Variants in CTNND2 observed in about 807,000 individuals in gnomAD.
CTNND2 encodes catenin delta 2, also known as catenin delta-2.
In CTNND2, 22 loss-of-function variants were observed where a neutral mutation model predicts 144.4. The observed-to-expected ratio is 0.15, with a 90% CI of 0.11 to 0.22. The LOEUF (loss-of-function observed/expected upper bound fraction) is 0.22. CTNND2 is among the 10% of genes least tolerant of loss of function. The pLI is 1.00. For missense variants in CTNND2, 1,353 were observed against 1,618.8 expected (o/e 0.84, Z 2.82); for synonymous variants, 751 against 695.6 (o/e 1.08, Z -1.25).
chr5:11,693,323 T>C (rs912957070), intron 2 of CTNND2, among the ~76,000 whole-genome samples: 7 of 152,212 alleles, frequency 4.6e-5, no homozygotes, highest in Non-Finnish European at 1.0e-4. Context: ...CTTATGTTAG[T>C]TTGTTATAGC....
chr5:11,776,898 G>C (rs2058606903), intron 1 of CTNND2, among the ~76,000 whole-genome samples: 1 of 152,122 alleles, frequency 6.6e-6, no homozygotes, highest in African/African-American at 2.4e-5. Flanking sequence ...AAAGTAGGAA[G>C]CATCCCATAA....
chr5:11,864,222 A>T (rs1398718115), intron 1 of CTNND2, among the ~76,000 whole-genome samples: 3 of 152,178 alleles, frequency 2.0e-5, no homozygotes, highest in African/African-American at 7.2e-5. Context: ...CGCTGCCTGA[A>T]AAAAAGGGTC....
chr5:11,498,236 C>A (rs1770170602), intron 3 of CTNND2, among the ~76,000 whole-genome samples: 1 of 152,134 alleles, frequency 6.6e-6, no homozygotes, highest in Non-Finnish European at 1.5e-5. Flanking sequence ...CACTCTCCCC[C>A]ACCCCCTCAA....
At chr5:11,708,022 T>C (rs976141551) in intron 2 of CTNND2, among the ~76,000 whole-genome samples, 4 of 151,892 alleles carry the variant, frequency 2.6e-5, no homozygotes, top group African/African-American at 4.8e-5. Context: ...AAGAAATATA[T>C]TGATGATTAA....
chr5:11,077,169 T>C (rs927187302), intron 16 of CTNND2, among the ~76,000 whole-genome samples: 1 of 152,200 alleles, frequency 6.6e-6, no homozygotes, highest in African/African-American at 2.4e-5. Context: ...AGATTGGGCA[T>C]TGTTCTAGGT....
intron 3 of CTNND2, among the ~76,000 whole-genome samples, chr5:11,541,841 C>A (rs565643816): frequency 5.1e-5 from 7 of 137,442 alleles, no homozygotes; most frequent in East Asian, 4.5e-4. Context: ...ATTATCGACC[C>A]CCCCCCCCCG....
chr5:11,506,714 C>A (rs760378769), intron 3 of CTNND2, among the ~76,000 whole-genome samples: 1 of 152,208 alleles, frequency 6.6e-6, no homozygotes, highest in Non-Finnish European at 1.5e-5. Context: ...ATTGTAAACA[C>A]TATGAGGCAT....
At chr5:11,099,374 T>G (rs1437358923) in intron 14 of CTNND2, among the ~76,000 whole-genome samples, 1 of 152,176 alleles carries the variant, frequency 6.6e-6, no homozygotes, top group Middle Eastern at 3.2e-3. Flanking sequence ...TGCTTTGAAT[T>G]GAATCTAATG....
intron 12 of CTNND2, among the ~76,000 whole-genome samples, chr5:11,157,775 T>C (rs1758362940): frequency 6.6e-6 from 1 of 152,214 alleles, no homozygotes; most frequent in Non-Finnish European, 1.5e-5. Context: ...CTGAATCAAA[T>C]GGCATCATTT....
intron 3 of CTNND2, among the ~76,000 whole-genome samples, chr5:11,506,263 T>C (rs1417482095): frequency 6.6e-6 from 1 of 152,204 alleles, no homozygotes; most frequent in African/African-American, 2.4e-5. Context: ...TCTCCAGTAC[T>C]AGCAAATTGG....
chr5:11,695,712 T>C (rs1785109944), intron 2 of CTNND2, among the ~76,000 whole-genome samples: 1 of 152,224 alleles, frequency 6.6e-6, no homozygotes, highest in South Asian at 2.1e-4. Flanking sequence ...CTTATCATTT[T>C]AGTACTGAAG....
intron 12 of CTNND2, among the ~76,000 whole-genome samples, chr5:11,122,892 A>T (rs1353733598): frequency 6.6e-6 from 1 of 152,036 alleles, no homozygotes; most frequent in Non-Finnish European, 1.5e-5. Flanking sequence ...ACCAGAGATG[A>T]TGGCATGGAC....
chr5:11,884,358 G>A (rs1201649374), intron 1 of CTNND2, among the ~76,000 whole-genome samples: 1 of 152,126 alleles, frequency 6.6e-6, no homozygotes, highest in African/African-American at 2.4e-5. Context: ...TTTGTATGAG[G>A]TACAAGGAAG....
rs537120586 is a variant in CTNND2 at position 11,853,346 on chromosome 5, T to C, written c.37+50471A>G. 2.0e-5 allele frequency among the ~76,000 whole-genome samples: 3 copies of C among 152,246 alleles called. No homozygotes were observed. The East Asian group carries it at 5.8e-4, about 29-fold the overall frequency. On this transcript the variant is annotated intron_variant, in intron 1 of 21. Coordinates refer to ENST00000304623, the MANE Select transcript of CTNND2 (RefSeq NM_001332.4). Reference sequence around the variant, plus strand: ...CATTCTCTGCATGTTTTCTTCCTACTTCACTGGCCACTTCTCCCTCTTCTG... The same window carrying C: ...CATTCTCTGCATGTTTTCTTCCTACCTCACTGGCCACTTCTCCCTCTTCTG...
At chr5:11,553,658 A>G (rs1031769558) in intron 3 of CTNND2, among the ~76,000 whole-genome samples, 2 of 152,194 alleles carry the variant, frequency 1.3e-5, no homozygotes, top group Non-Finnish European at 2.9e-5. Flanking sequence ...CATTTATGGA[A>G]TTACAAACTC....
At chr5:11,681,812 T>C (rs1172846517) in intron 2 of CTNND2, among the ~76,000 whole-genome samples, 1 of 152,242 alleles carries the variant, frequency 6.6e-6, no homozygotes, top group Non-Finnish European at 1.5e-5. Flanking sequence ...GCAAGTTTAC[T>C]AATTACCTGC....
At chr5:11,775,850 T>C (rs534690340) in intron 1 of CTNND2, among the ~76,000 whole-genome samples, 46 of 152,236 alleles carry the variant, frequency 3.0e-4, no homozygotes, top group African/African-American at 1.1e-3. Context: ...TGAGATCATA[T>C]TGGATTAGAG....
intron 3 of CTNND2, among the ~76,000 whole-genome samples, chr5:11,467,861 T>C (rs1766821273): frequency 6.6e-6 from 1 of 152,222 alleles, no homozygotes; most frequent in African/African-American, 2.4e-5. Flanking sequence ...AACACATACA[T>C]AGTACTTTAG....
At chr5:11,530,378 G>A (rs746596649) in intron 3 of CTNND2, among the ~76,000 whole-genome samples, 4 of 152,114 alleles carry the variant, frequency 2.6e-5, no homozygotes, top group African/African-American at 9.7e-5. Flanking sequence ...TCAAGTATTC[G>A]TTACCCAGCA....
Sources: gnomAD v4.1 joint callset for allele counts (sites outside exome capture counted in the v4.1 genomes callset) on GRCh38, gnomAD v4.1.1 for gene constraint, MANE v1.5 for transcripts, NCBI Gene and HGNC (gene_info 2026-07-23, HGNC 2026-07-21) for gene names.